The following SLC5A4 variants were observed in gnomAD, a reference collection of about 807,000 sequenced individuals.
SLC5A4 encodes the protein solute carrier family 5 member 4.
Under a neutral mutation model 70.3 loss-of-function variants are expected in SLC5A4, and 55 were observed. The ratio of observed to expected loss-of-function variants is 0.78; its 90% confidence interval spans 0.63 to 0.98. SLC5A4 has a LOEUF of 0.98. Among genes scored for constraint, SLC5A4 ranks in the 50% least tolerant of loss-of-function variants. The pLI is 0.00. For missense variants in SLC5A4, 735 were observed against 839.2 expected (o/e 0.88, Z 1.53); for synonymous variants, 268 against 305.7 (o/e 0.88, Z 1.29).
chr22:32,248,422 C>G (rs1280731254), intron 4 of SLC5A4, among the ~76,000 whole-genome samples: 2 of 152,216 alleles, frequency 1.3e-5, no homozygotes, highest in Non-Finnish European at 1.5e-5. Flanking sequence ...ATCAACACAC[C>G]TGGACAATGA....
At chr22:32,354,674 G>A in the SLC5A4 span, among the ~76,000 whole-genome samples, 4 of 151,152 alleles carry the variant, frequency 2.6e-5, no homozygotes, top group East Asian at 2.0e-4. Context: ...GCGCACACCC[G>A]ATAGCACCCC....
chr22:32,333,438 G>A, the SLC5A4 span, among the ~76,000 whole-genome samples: 1 of 152,174 alleles, frequency 6.6e-6, no homozygotes, highest in South Asian at 2.1e-4. Context: ...CTCAGGGCAG[G>A]GATGGGGACT....
chr22:32,224,736 A>G (rs1262542813), intron 12 of SLC5A4, among the ~76,000 whole-genome samples: 1 of 152,194 alleles, frequency 6.6e-6, no homozygotes, highest in Non-Finnish European at 1.5e-5. Flanking sequence ...TACTGTCTAC[A>G]CTGACCCAAG....
the SLC5A4 span, among the ~76,000 whole-genome samples, chr22:32,261,992 AAATG>A: frequency 2.0e-5 from 3 of 152,236 alleles, no homozygotes; most frequent in Non-Finnish European, 4.4e-5. Context: ...ATGTTGTTGC[AAATG>A]ACATGATCTC....
chr22:32,329,787 GA>G, the SLC5A4 span, among the ~76,000 whole-genome samples: 1 of 79,070 alleles, frequency 1.3e-5, no homozygotes, highest in Non-Finnish European at 2.4e-5. Flanking sequence ...GTGTGTGTTG[GA>G]GGCTCTGGTG....
At chr22:32,308,823 GGTGT>G in the SLC5A4 span, among the ~76,000 whole-genome samples, 28 of 152,210 alleles carry the variant, frequency 1.8e-4, no homozygotes, top group African/African-American at 3.9e-4. Context: ...TGCACAGCTG[GGTGT>G]GTGTGCACCC....
rs552606422 is a variant in SLC5A4 at position 32,227,933 on chromosome 22, C to T, written c.1280+1261G>A. Among the ~76,000 whole-genome samples, 93 of 152,160 alleles carry T rather than the reference C, an allele frequency of 6.1e-4. 1 individual carries two copies. The highest frequency in any genetic ancestry group is 2.2e-3 in the African/African-American group (90 of 41,518). The stretch of plus-strand genomic sequence containing the variant: ...AGTGAGCCAAGATCGAGCCACTGCA[C>T]TCCAGCCTGGGCGACAGCAAGACTC... On this transcript the variant is annotated intron_variant, in intron 11 of 14. Transcript: ENST00000266086.
the SLC5A4 span, among the ~76,000 whole-genome samples, chr22:32,318,975 G>C: frequency 1.3e-5 from 2 of 152,220 alleles, no homozygotes; most frequent in African/African-American, 4.8e-5. Flanking sequence ...AGAGGAACAT[G>C]TGACCTGGCA....
rs376841667 is a variant in SLC5A4 at position 32,219,037 on chromosome 22, C to G, written c.1769-312G>C. On this transcript the variant is annotated intron_variant, in intron 14 of 14. Coordinates refer to ENST00000266086, the MANE Select transcript of SLC5A4 (RefSeq NM_014227.3). ...ATAGGTAAGAAAAGGCTATCAACAG[C>G]CCCATGTCAGCATATTAGAGAGATG... 8.5e-5 allele frequency among the ~76,000 whole-genome samples: 13 copies of G among 152,066 alleles called. No homozygotes were observed. The East Asian group carries it at 9.6e-4, about 11-fold the overall frequency.
Position 32,239,062 on chromosome 22 carries a change from A to G in SLC5A4, c.506T>C (p.Ile169Thr), listed in dbSNP as rs775528287. Residue 169 changes from isoleucine to threonine, a missense_variant, in exon 6 of 15, where the codon ATC (isoleucine) becomes ACC (threonine). Physicochemically the swap from Ile to Thr is moderately conservative, Grantham distance 89 (BLOSUM62 -1). Coordinates refer to ENST00000266086, the MANE Select transcript of SLC5A4 (RefSeq NM_014227.3). ...AAGGTCCAATCCCAAGGCCAGCTTG[A>G]TGAATATGGCTCCAGCAAATATGTC... Reference protein sequence around the residue: ...SADIFAGAIFIKLALGLDLYL... With the variant: ...SADIFAGAIFTKLALGLDLYL... 1.2e-6 allele frequency: 2 copies of G among 1,614,046 alleles called. No individual in the cohort carries two copies. Among genetic ancestry groups the G allele is most frequent in the Admixed American group, 3.3e-5 (2 of 60,024 alleles).
intron 3 of SLC5A4, among the ~76,000 whole-genome samples, chr22:32,249,992 G>A (rs1054961549): frequency 6.6e-6 from 1 of 152,080 alleles, no homozygotes; most frequent in Non-Finnish European, 1.5e-5. Context: ...GTGGTCCAGG[G>A]CAGTCAAAAG....
the SLC5A4 span, among the ~76,000 whole-genome samples, chr22:32,312,855 G>A: frequency 6.6e-6 from 1 of 152,224 alleles, no homozygotes; most frequent in East Asian, 1.9e-4. Context: ...ATATCACATG[G>A]TGTCTCCTCA....
At chr22:32,310,355 G>A in the SLC5A4 span, among the ~76,000 whole-genome samples, 4 of 152,164 alleles carry the variant, frequency 2.6e-5, no homozygotes, top group African/African-American at 4.8e-5. Context: ...CTGAGGTCCC[G>A]CTGCTCTCAG....
At chr22:32,334,440 C>T in the SLC5A4 span, among the ~76,000 whole-genome samples, 3 of 152,294 alleles carry the variant, frequency 2.0e-5, no homozygotes, top group East Asian at 1.9e-4. Flanking sequence ...CTCCTGCCTG[C>T]ACTACCTCCA....
the SLC5A4 span, chr22:32,284,601 T>TTC: frequency 6.6e-6 from 1 of 152,130 alleles, no homozygotes; most frequent in Non-Finnish European, 1.5e-5. Context: ...GGTGACTGAG[T>TTC]TCTAAGAAGA....
At position 32,229,220 on chromosome 22, in the gene SLC5A4, C is replaced by T. The variant is rs759385971; in HGVS notation, c.1254G>A (p.Ser418=). ...DLYTKMRKQA[S]EKELLIAGRI... ...GTCCAGCTATCAGGAGCTCTTTCTC[C>T]GACGCTTGCTTCCGCATCTTGGTGT... Residue 418 remains serine, a synonymous_variant, in exon 11 of 15, where the codon TCG becomes TCA. Coordinates refer to ENST00000266086, the MANE Select transcript of SLC5A4 (RefSeq NM_014227.3). 35 of 1,613,912 alleles carry T rather than the reference C, an allele frequency of 2.2e-5. No homozygotes were observed. Among genetic ancestry groups the T allele is most frequent in the East Asian group, 1.1e-4 (5 of 44,882 alleles).
the SLC5A4 span, among the ~76,000 whole-genome samples, chr22:32,347,906 C>CA: frequency 9.3e-4 from 138 of 148,368 alleles, no homozygotes; most frequent in South Asian, 4.3e-3. Flanking sequence ...AAATTACCCA[C>CA]AAAAAAAAAA....
chr22:32,344,684 T>C, the SLC5A4 span, among the ~76,000 whole-genome samples: 2 of 152,198 alleles, frequency 1.3e-5, no homozygotes, highest in African/African-American at 2.4e-5. Context: ...GGAAATTTCA[T>C]GCAGACATGA....
At chr22:32,294,756 T>C in the SLC5A4 span, among the ~76,000 whole-genome samples, 8 of 135,584 alleles carry the variant, frequency 5.9e-5, no homozygotes, top group East Asian at 1.7e-3. Flanking sequence ...GCTGGTGCGC[T>C]GCACCCACTA....
Sources: gnomAD v4.1 joint callset for allele counts (sites outside exome capture counted in the v4.1 genomes callset) on GRCh38, gnomAD v4.1.1 for gene constraint, MANE v1.5 for transcripts, NCBI Gene and HGNC (gene_info 2026-07-23, HGNC 2026-07-21) for gene names.